Variants in SORCS2 observed in about 807,000 individuals in gnomAD.
SORCS2 encodes the protein VPS10 domain-containing receptor SorCS2.
SORCS2 carries 100 observed loss-of-function variants against 141.6 expected under a neutral mutation model. The ratio of observed to expected loss-of-function variants is 0.71; its 90% CI spans 0.60 to 0.83. The LOEUF is 0.83. SORCS2 is among the 40% of genes least tolerant of loss of function. SORCS2 has a pLI of 0.00. For synonymous variants in SORCS2, 789 were observed against 676.9 expected (o/e 1.17, Z -2.57); for missense variants, 1,646 against 1,560.2 (o/e 1.05, Z -0.93).
intron 1 of SORCS2, among the ~76,000 whole-genome samples, chr4:7,285,179 C>T (rs1192406991): frequency 1.3e-5 from 2 of 152,052 alleles, no homozygotes; most frequent in Non-Finnish European, 2.9e-5. Context: ...ATTACAGGTG[C>T]CTGCCACCAC....
Position 7,473,313 on chromosome 4 carries a change from G to A in SORCS2, c.549-58217G>A, listed in dbSNP as rs146660423. 1.2e-3 allele frequency among the ~76,000 whole-genome samples: 184 copies of A among 152,266 alleles called. 1 individual carries two copies. Among genetic ancestry groups the A allele is most frequent in the African/African-American group, 4.1e-3 (172 of 41,564 alleles). On this transcript the variant is annotated intron_variant, in intron 2 of 26. Transcript: ENST00000507866. ...TGAGAGGAGAGGAGAGGGAGATGGC[G>A]TGTTCCCAGGGAGCCCTCAGCCCAG... is the stretch of plus-strand genomic sequence containing the variant.
rs541345031 is a variant in SORCS2 at position 7,267,370 on chromosome 4, A to T, written c.480+74244A>T. ...GAGAAACCCCCGTGGTGGTAGAGTA[A>T]GGACTTGCCGCAGCTCCGAGGATGG... On this transcript the variant is annotated intron_variant, in intron 1 of 26. Coordinates refer to ENST00000507866, the MANE Select transcript of SORCS2 (RefSeq NM_020777.3). Among the ~76,000 whole-genome samples the T allele has an allele frequency of 4.1e-3, 623 of 152,316 alleles. 7 individuals carry two copies. Among genetic ancestry groups the T allele is most frequent in the African/African-American group, 0.014 (568 of 41,564 alleles).
At chr4:7,578,738 A>C (rs1560400874) in intron 3 of SORCS2, among the ~76,000 whole-genome samples, 1 of 152,192 alleles carries the variant, frequency 6.6e-6, no homozygotes, top group Non-Finnish European at 1.5e-5. Context: ...GACAGGTCAC[A>C]TGACCTCTCT....
chr4:7,305,266 C>T (rs567576833), intron 1 of SORCS2, among the ~76,000 whole-genome samples: 21 of 152,056 alleles, frequency 1.4e-4, no homozygotes, highest in East Asian at 3.9e-4. Flanking sequence ...CTGCTGACCT[C>T]GTGATCTGCC....
chr4:7,455,667 AG>A (rs1016723629), intron 2 of SORCS2, among the ~76,000 whole-genome samples: 6 of 139,330 alleles, frequency 4.3e-5, no homozygotes, highest in Admixed American at 7.3e-5. Flanking sequence ...TGTTGGGGTC[AG>A]GCTCCGTGTT....
intron 2 of SORCS2, chr4:7,433,999 C>T: frequency 3.1e-6 from 5 of 1,613,208 alleles, no homozygotes; most frequent in Non-Finnish European, 4.2e-6. Context: ...GCACACCTCA[C>T]AGGTCACACC....
chr4:7,552,185 C>CGTTT (rs1713761771), intron 3 of SORCS2, among the ~76,000 whole-genome samples: 1 of 152,170 alleles, frequency 6.6e-6, no homozygotes, highest in Non-Finnish European at 1.5e-5. Context: ...GAAACAGAAA[C>CGTTT]CTGTTTCCCA....
intron 3 of SORCS2, among the ~76,000 whole-genome samples, chr4:7,602,790 T>G (rs1485344856): frequency 2.0e-5 from 3 of 152,102 alleles, no homozygotes; most frequent in South Asian, 2.1e-4. Flanking sequence ...CTCGGCACTT[T>G]GGGAGGCCAA....
chr4:7,472,900 G>A (rs1306429539), intron 2 of SORCS2, among the ~76,000 whole-genome samples: 1 of 147,496 alleles, frequency 6.8e-6, no homozygotes, highest in African/African-American at 2.5e-5. Context: ...TGAGTGGATG[G>A]GGCCAAAGTG....
At chr4:7,529,939 C>A (rs771600748) in intron 2 of SORCS2, among the ~76,000 whole-genome samples, 7 of 152,146 alleles carry the variant, frequency 4.6e-5, no homozygotes, top group Non-Finnish European at 1.0e-4. Flanking sequence ...AGGGGCTGGC[C>A]CCTGGGAGTT....
At chr4:7,657,497 GAGTA>G (rs889347919) in intron 5 of SORCS2, among the ~76,000 whole-genome samples, 1 of 86,830 alleles carries the variant, frequency 1.2e-5, no homozygotes, top group Non-Finnish European at 3.6e-5. Context: ...ATGAATGAAT[GAGTA>G]AATGAATGAG....
At chr4:7,393,662 G>A (rs1016675553) in intron 1 of SORCS2, among the ~76,000 whole-genome samples, 2 of 152,130 alleles carry the variant, frequency 1.3e-5, no homozygotes, top group Admixed American at 6.5e-5. Flanking sequence ...GCACCTCTTC[G>A]GTATCCCTGG....
intron 3 of SORCS2, among the ~76,000 whole-genome samples, chr4:7,622,128 G>A (rs554916067): frequency 3.3e-5 from 5 of 152,026 alleles, no homozygotes; most frequent in South Asian, 2.1e-4. Flanking sequence ...GGATCCCTGC[G>A]CTCCTCAGCA....
intron 2 of SORCS2, among the ~76,000 whole-genome samples, chr4:7,416,501 C>A (rs1020291602): frequency 6.6e-6 from 1 of 151,976 alleles, no homozygotes; most frequent in African/African-American, 2.4e-5. Context: ...CACACAGACA[C>A]GCACGCTTCC....
chr4:7,471,196 C>T (rs1001286108), intron 2 of SORCS2, among the ~76,000 whole-genome samples: 8 of 152,230 alleles, frequency 5.3e-5, no homozygotes, highest in Non-Finnish European at 1.2e-4. Context: ...GGCCAGCATC[C>T]TGCATCCTTC....
chr4:7,320,865 A>ATTCCTCCC (rs1213331488), intron 1 of SORCS2, among the ~76,000 whole-genome samples: 6 of 149,108 alleles, frequency 4.0e-5, no homozygotes, highest in African/African-American at 7.4e-5. Flanking sequence ...CCCTTCCTCC[A>ATTCCTCCC]TTCCTCCCTT....
At chr4:7,446,325 C>T (rs1044991916) in intron 2 of SORCS2, among the ~76,000 whole-genome samples, 22 of 152,216 alleles carry the variant, frequency 1.4e-4, no homozygotes, top group Admixed American at 9.2e-4. Context: ...TGGCTTTCAG[C>T]ACCGCCCCTG....
In SORCS2 at chr4:7,292,212, T is replaced by TCC. The variant is rs376191602; in HGVS notation, c.480+99089_480+99090dup. On this transcript the variant is annotated intron_variant, in intron 1 of 26. Coordinates refer to ENST00000507866, the MANE Select transcript of SORCS2 (RefSeq NM_020777.3). ...TTGACAGTCTGTTCACCAAGGAGGC[T>TCC]CCCCACCATTCGCAGTCCGTTCACC... Among the ~76,000 whole-genome samples, 382 of 151,570 alleles carry TCC rather than the reference T, an allele frequency of 2.5e-3. 3 individuals carry two copies. The highest frequency in any genetic ancestry group is 8.8e-3 in the African/African-American group (361 of 41,132).
intron 3 of SORCS2, among the ~76,000 whole-genome samples, chr4:7,611,615 C>T (rs1718410586): frequency 6.6e-6 from 1 of 152,136 alleles, no homozygotes; most frequent in African/African-American, 2.4e-5. Context: ...TGTCCACTGC[C>T]CAATATGTCA....
Sources: gnomAD v4.1 joint callset for allele counts (sites outside exome capture counted in the v4.1 genomes callset) on GRCh38, gnomAD v4.1.1 for gene constraint, MANE v1.5 for transcripts, NCBI Gene and HGNC (gene_info 2026-07-23, HGNC 2026-07-21) for gene names.